PPP1R21: variants seen among roughly 807,000 people sequenced by gnomAD.
PPP1R21 encodes protein phosphatase 1 regulatory subunit 21.
In PPP1R21, 85 loss-of-function variants were observed where a neutral mutation model predicts 112.8. That is an observed-to-expected ratio of 0.75 (90% confidence interval 0.63 to 0.90). The LOEUF is 0.90. PPP1R21 is among the 40% of genes least tolerant of loss of function. The pLI is 0.00. For synonymous variants in PPP1R21, 381 were observed against 322.3 expected, an observed-to-expected ratio of 1.18 and a Z score of -1.95; for missense variants, 1,199 against 901.5, an observed-to-expected ratio of 1.33 and a Z score of -4.23.
At chr2:48,504,534 G>A (rs111567921) in intron 17 of PPP1R21, among the ~76,000 whole-genome samples, 11,419 of 152,152 alleles carry the variant, frequency 0.075, 609 homozygotes, top group Non-Finnish European at 0.12. Flanking sequence ...CCCACTACTC[G>A]GGAGGCTGAG....
intron 9 of PPP1R21, 144 bp from the exon 10 acceptor site, chr2:48,470,943 A>G: frequency 1.7e-6 from 1 of 602,710 alleles, no homozygotes; most frequent in Non-Finnish European, 2.9e-6. Flanking sequence ...AAGTTTCCAA[A>G]ACTTGAGCAC....
chr2:48,493,050 A>C (rs1304291241), intron 15 of PPP1R21, among the ~76,000 whole-genome samples: 2 of 118,908 alleles, frequency 1.7e-5, no homozygotes, highest in African/African-American at 6.7e-5. Context: ...GGAGTCTTGC[A>C]CTATCGCCCA....
chr2:48,507,207 TTTC>T, intron 18 of PPP1R21, 59 bp from the exon 19 acceptor site: 5 of 1,379,614 alleles, frequency 3.6e-6, no homozygotes, highest in South Asian at 2.0e-5. Context: ...TTTTTTTTTT[TTTC>T]TAGAAATGCT....
intron 6 of PPP1R21, among the ~76,000 whole-genome samples, chr2:48,460,902 C>G (rs1224631351): frequency 2.0e-5 from 3 of 152,202 alleles, no homozygotes; most frequent in Non-Finnish European, 4.4e-5. Context: ...CTAAGACACT[C>G]GTACCATGAT....
intron 9 of PPP1R21, among the ~76,000 whole-genome samples, chr2:48,467,119 C>A (rs1481399007): frequency 6.6e-6 from 1 of 152,102 alleles, no homozygotes; most frequent in Non-Finnish European, 1.5e-5. Flanking sequence ...CTTTTTCCTT[C>A]CTGCTGAGTT....
At chr2:48,477,913 A>T (rs1276624076) in intron 12 of PPP1R21, among the ~76,000 whole-genome samples, 1 of 152,168 alleles carries the variant, frequency 6.6e-6, no homozygotes, top group African/African-American at 2.4e-5. Context: ...ATCTCTGCAG[A>T]TGTCATCAAA....
chr2:48,507,448 GTCCTGTTTTCATGCTGT>G, intron 19 of PPP1R21, 63 bp downstream of exon 19: 1 of 1,560,964 alleles, frequency 6.4e-7, no homozygotes, highest in Middle Eastern at 1.7e-4. Context: ...TTAGGACACT[GTCCTGTTTTCATGCTGT>G]TCACTGTAAG....
intron 1 of PPP1R21, among the ~76,000 whole-genome samples, chr2:48,449,158 A>G (rs1667373734): frequency 6.6e-6 from 1 of 152,218 alleles, no homozygotes; most frequent in South Asian, 2.1e-4. Context: ...ATCAAGGTGT[A>G]CAATGCCTTA....
intron 1 of PPP1R21, among the ~76,000 whole-genome samples, chr2:48,444,888 T>A (rs1667180489): frequency 1.3e-5 from 2 of 151,396 alleles, no homozygotes; most frequent in African/African-American, 2.4e-5. Context: ...GGACAGTGGA[T>A]GCCAGCAGGA....
At chr2:48,470,117 A>G (rs551131825) in intron 9 of PPP1R21, among the ~76,000 whole-genome samples, 17 of 152,314 alleles carry the variant, frequency 1.1e-4, no homozygotes, top group African/African-American at 4.1e-4. Context: ...AATGAAAATA[A>G]TCTTTTTGCC....
chr2:48,493,661 G>A (rs1359437746), intron 15 of PPP1R21, among the ~76,000 whole-genome samples: 3 of 152,126 alleles, frequency 2.0e-5, no homozygotes, highest in East Asian at 1.9e-4. Flanking sequence ...GATATAAGAT[G>A]TCAAAGAAGG....
At chr2:48,478,651 T>A (rs573899675) in intron 12 of PPP1R21, among the ~76,000 whole-genome samples, 26 of 152,332 alleles carry the variant, frequency 1.7e-4, no homozygotes, top group African/African-American at 6.0e-4. Flanking sequence ...ACCTAGCAGG[T>A]AGAGTTTTTT....
intron 13 of PPP1R21, among the ~76,000 whole-genome samples, chr2:48,484,537 G>C (rs890995071): frequency 7.4e-6 from 1 of 134,332 alleles, no homozygotes; most frequent in Non-Finnish European, 1.6e-5. Flanking sequence ...TTTTTTTCTG[G>C]ACTGATTCTT....
chr2:48,441,752 G>T (rs774811550), intron 1 of PPP1R21, among the ~76,000 whole-genome samples: 2 of 152,120 alleles, frequency 1.3e-5, no homozygotes, highest in African/African-American at 4.8e-5. Context: ...GCAGTTTCTG[G>T]GTAGGGTGTT....
At chr2:48,503,239 C>A (rs1670206595) in intron 17 of PPP1R21, among the ~76,000 whole-genome samples, 1 of 152,034 alleles carries the variant, frequency 6.6e-6, no homozygotes, top group African/African-American at 2.4e-5. Flanking sequence ...ATCAAGCCAC[C>A]AATGTTATCG....
At chr2:48,497,891 T>TCAGC (rs1209300507) in intron 16 of PPP1R21, among the ~76,000 whole-genome samples, 1 of 152,108 alleles carries the variant, frequency 6.6e-6, no homozygotes, top group Non-Finnish European at 1.5e-5. Context: ...GACCTCGTGA[T>TCAGC]CAGCCCGCCT....
intron 9 of PPP1R21, among the ~76,000 whole-genome samples, chr2:48,467,558 G>T (rs1270926284): frequency 6.6e-6 from 1 of 152,170 alleles, no homozygotes; most frequent in Non-Finnish European, 1.5e-5. Flanking sequence ...TACATGCCTG[G>T]TGAGTTAGTG....
At chr2:48,459,556 T>A (rs7606562) in intron 4 of PPP1R21, among the ~76,000 whole-genome samples, 198 bp from the exon 5 acceptor site, 57,645 of 152,002 alleles carry the variant, frequency 0.38, 11,308 homozygotes, top group Middle Eastern at 0.48. Flanking sequence ...AGCTTGAGTT[T>A]CCATATTTGT....
chr2:48,467,464 C>T (rs1487484289), intron 9 of PPP1R21, among the ~76,000 whole-genome samples: 1 of 152,170 alleles, frequency 6.6e-6, no homozygotes, highest in Non-Finnish European at 1.5e-5. Context: ...AATGGAGGGG[C>T]TAGTTAGCTG....
Sources: allele counts gnomAD v4.1 joint callset (sites outside exome capture counted in the v4.1 genomes callset), GRCh38; gene constraint gnomAD v4.1.1; transcripts MANE v1.5; gene names NCBI Gene and HGNC (gene_info 2026-07-23, HGNC 2026-07-21).